TOGARAM1: variants seen among roughly 807,000 people sequenced by gnomAD.
TOGARAM1 encodes TOG array regulator of axonemal microtubules protein 1.
TOGARAM1 carries 100 observed loss-of-function variants against 166.6 expected under a neutral mutation model. The observed-to-expected ratio is 0.60, with a 90% CI of 0.51 to 0.71. The LOEUF (loss-of-function observed/expected upper bound fraction) is 0.71, where lower values mean the gene tolerates loss of function less well. TOGARAM1 is among the 30% of genes least tolerant of loss of function. The pLI is 0.00. For missense variants in TOGARAM1, 2,029 were observed against 2,102.7 expected (o/e 0.96, Z 0.69); for synonymous variants, 758 against 763.8 (o/e 0.99, Z 0.13).
At chr14:45,034,319 G>A (rs1172508654) in intron 11 of TOGARAM1, among the ~76,000 whole-genome samples, 1 of 152,132 alleles carries the variant, frequency 6.6e-6, no homozygotes, top group Non-Finnish European at 1.5e-5. Context: ...CTAAAGGGAG[G>A]GAAAACAGGC....
At chr14:44,996,530 T>G (rs1020690005) in intron 2 of TOGARAM1, 3 of 152,196 alleles carry the variant, frequency 2.0e-5, no homozygotes, top group African/African-American at 7.2e-5. Context: ...TAAGTGAACT[T>G]TACTTTTTAC....
intron 5 of TOGARAM1, 115 bp downstream of exon 5, chr14:45,006,382 A>G (rs1228152914): frequency 1.3e-6 from 1 of 742,726 alleles, no homozygotes; most frequent in African/African-American, 1.8e-5. Context: ...TTCTAAAAAT[A>G]TGTTCATTAT....
intron 16 of TOGARAM1, among the ~76,000 whole-genome samples, chr14:45,061,266 T>C (rs932398760): frequency 4.6e-5 from 7 of 152,248 alleles, no homozygotes; most frequent in African/African-American, 1.7e-4. Context: ...CTCCCTCGGG[T>C]TGGCTGCTGT....
rs189081367 is a variant in TOGARAM1, at chr14:45,000,436, G to A, written c.2338+939G>A. Among the ~76,000 whole-genome samples, 332 of 152,084 alleles carry A rather than the reference G, an allele frequency of 2.2e-3. 1 individual carries two copies. Among genetic ancestry groups the A allele is most frequent in the African/African-American group, 7.8e-3 (322 of 41,492 alleles). Reference sequence around the variant, plus strand: ...TTTTTTCTTTTTTAGCTCCCACATAGCAGTGAGAACATGCAATATTTGTCT... The same window carrying A: ...TTTTTTCTTTTTTAGCTCCCACATAACAGTGAGAACATGCAATATTTGTCT... On this transcript the variant is annotated intron_variant, in intron 3 of 19. Transcript: ENST00000361462.
intron 16 of TOGARAM1, among the ~76,000 whole-genome samples, chr14:45,066,229 G>A (rs950771411): frequency 2.6e-5 from 4 of 152,074 alleles, no homozygotes; most frequent in Admixed American, 6.6e-5. Flanking sequence ...TGTTCTGTGC[G>A]ACTCTACTGG....
At chr14:45,065,780 TC>T (rs1439569777) in intron 16 of TOGARAM1, among the ~76,000 whole-genome samples, 1 of 152,222 alleles carries the variant, frequency 6.6e-6, no homozygotes, top group East Asian at 1.9e-4. Flanking sequence ...TTTCAACTAT[TC>T]CTCATAAGAG....
chr14:45,018,062 G>T (rs1045994217), intron 7 of TOGARAM1, among the ~76,000 whole-genome samples: 1 of 152,058 alleles, frequency 6.6e-6, no homozygotes, highest in Non-Finnish European at 1.5e-5. Context: ...TAAATGTTAG[G>T]TTGGTGCAAA....
chr14:45,020,449 T>C (rs1036466825), intron 7 of TOGARAM1, among the ~76,000 whole-genome samples: 5 of 152,216 alleles, frequency 3.3e-5, no homozygotes, highest in African/African-American at 1.2e-4. Context: ...GTTCTTGAGA[T>C]AGTTTGTAGT....
At chr14:45,039,267 TG>T (rs1881598222) in intron 11 of TOGARAM1, among the ~76,000 whole-genome samples, 1 of 152,144 alleles carries the variant, frequency 6.6e-6, no homozygotes, top group African/African-American at 2.4e-5. Context: ...AGGATTTTTA[TG>T]GGCTTCAGAG....
chr14:45,071,855 A>T lies in TOGARAM1; in HGVS notation c.5056+57A>T, dbSNP rs1883399514. ...TTATTAACTAAGGATAAACTGATAA[A>T]CTGTTTCAATTTAATTTTAGGATAG... On this transcript the variant is annotated intron_variant, in intron 19 of 19. Coordinates refer to ENST00000361462, the MANE Select transcript of TOGARAM1 (RefSeq NM_001308120.2). 5 of 1,321,098 alleles carry T rather than the reference A, an allele frequency of 3.8e-6. No homozygotes were observed. In the East Asian group the frequency reaches 9.6e-5, roughly 25 times the overall value. The allele number at this position is 1,321,098 out of a possible 1,614,324, so 81.8% of individuals were successfully genotyped here. A position where few individuals can be genotyped will look rare whatever the true frequency, so the allele number is the denominator to read the frequency against.
intron 11 of TOGARAM1, among the ~76,000 whole-genome samples, chr14:45,038,420 G>A (rs576960146): frequency 6.6e-6 from 1 of 152,320 alleles, no homozygotes; most frequent in African/African-American, 2.4e-5. Flanking sequence ...GCGGCGAGGG[G>A]TGCATGAGCA....
At chr14:44,991,822 T>A (rs1887150808) in intron 1 of TOGARAM1, among the ~76,000 whole-genome samples, 1 of 151,748 alleles carries the variant, frequency 6.6e-6, no homozygotes, top group Non-Finnish European at 1.5e-5. Flanking sequence ...CTGAGAAGGG[T>A]CCCAAAGAAT....
chr14:45,054,286 C>T (rs1882523683), intron 15 of TOGARAM1, 145 bp from the exon 16 acceptor site: 1 of 534,276 alleles, frequency 1.9e-6, no homozygotes. Context: ...TTTTATGTAT[C>T]TCATACTCTT....
At chr14:45,029,203 T>G (rs1334838861) in intron 10 of TOGARAM1, among the ~76,000 whole-genome samples, 2 of 152,200 alleles carry the variant, frequency 1.3e-5, no homozygotes, top group Non-Finnish European at 2.9e-5. Flanking sequence ...TGTAGGTGTT[T>G]GTGAAATTTA....
chr14:45,048,314 CAAAAAAAAAA>C (rs1165258521), intron 14 of TOGARAM1, among the ~76,000 whole-genome samples: 2 of 43,734 alleles, frequency 4.6e-5, no homozygotes, highest in South Asian at 1.7e-3. Flanking sequence ...GACTCCATCT[CAAAAAAAAAA>C]AAAAAAAAAA....
At chr14:44,975,932 ATCT>A (rs143839034) in intron 1 of TOGARAM1, among the ~76,000 whole-genome samples, 1,624 of 152,164 alleles carry the variant, frequency 0.011, 13 homozygotes, top group Non-Finnish European at 0.017. Flanking sequence ...GATTTATAAA[ATCT>A]TCTTAGTGAA....
At chr14:45,046,301 T>A (rs1275904381) in intron 13 of TOGARAM1, among the ~76,000 whole-genome samples, 1 of 152,148 alleles carries the variant, frequency 6.6e-6, no homozygotes, top group South Asian at 2.1e-4. Flanking sequence ...CTGGGTGTGG[T>A]GGCACATGCC....
At chr14:45,049,306 A>G (rs1882242559) in intron 14 of TOGARAM1, among the ~76,000 whole-genome samples, 1 of 151,018 alleles carries the variant, frequency 6.6e-6, no homozygotes, top group African/African-American at 2.4e-5. Context: ...TCTGTCACCC[A>G]GGTTGAAGTG....
At chr14:44,989,216 T>C (rs1244618552) in intron 1 of TOGARAM1, among the ~76,000 whole-genome samples, 1 of 152,248 alleles carries the variant, frequency 6.6e-6, no homozygotes, top group Non-Finnish European at 1.5e-5. Flanking sequence ...ATGCTGAACT[T>C]GCCTAAGATT....
Sources: allele counts gnomAD v4.1 joint callset (sites outside exome capture counted in the v4.1 genomes callset), GRCh38; gene constraint gnomAD v4.1.1; transcripts MANE v1.5; gene names NCBI Gene and HGNC (gene_info 2026-07-23, HGNC 2026-07-21).